The following CTNND2 variants were observed in gnomAD, a reference collection of about 807,000 sequenced individuals.
CTNND2 encodes the protein catenin delta 2.
A neutral mutation model predicts 144.4 loss-of-function variants in CTNND2; 22 were observed. The observed-to-expected ratio is 0.15, with a 90% CI of 0.11 to 0.22. CTNND2 has a LOEUF of 0.22. Ranked by LOEUF, CTNND2 falls within the 10% of genes least tolerant of loss-of-function variation. The probability of loss-of-function intolerance (pLI) is 1.00; values close to 1 mark genes in which losing one functional copy is unlikely to be tolerated. For synonymous variants in CTNND2, 751 were observed against 695.6 expected (o/e 1.08, Z -1.25); for missense variants, 1,353 against 1,618.8 (o/e 0.84, Z 2.82).
intron 9 of CTNND2, among the ~76,000 whole-genome samples, chr5:11,241,006 AAC>A (rs1263743019): frequency 5.3e-5 from 7 of 132,104 alleles, no homozygotes; most frequent in Non-Finnish European, 8.1e-5. Flanking sequence ...ACACACACCA[AAC>A]ACACACACCC....
At chr5:11,172,017 A>C (rs529989890) in intron 11 of CTNND2, among the ~76,000 whole-genome samples, 18 of 152,322 alleles carry the variant, frequency 1.2e-4, no homozygotes, top group African/African-American at 4.3e-4. Flanking sequence ...CTTACACTAG[A>C]ATAGTATTAG....
intron 2 of CTNND2, among the ~76,000 whole-genome samples, chr5:11,652,200 G>T (rs1159511487): frequency 1.3e-5 from 2 of 152,178 alleles, no homozygotes; most frequent in African/African-American, 4.8e-5. Context: ...GATAGTGAGT[G>T]AGTTATCACG....
chr5:11,054,387 G>A (rs142148972), intron 16 of CTNND2, among the ~76,000 whole-genome samples: 62 of 152,280 alleles, frequency 4.1e-4, no homozygotes, highest in African/African-American at 1.4e-3. Context: ...GCTAGAAAAT[G>A]TACAACAATG....
intron 16 of CTNND2, among the ~76,000 whole-genome samples, chr5:11,031,728 G>A (rs3940297): frequency 0.071 from 10,821 of 152,154 alleles, 503 homozygotes; most frequent in Non-Finnish European, 0.099. Context: ...AAAAGCAGGT[G>A]GAAAAAGGTG....
At chr5:11,690,421 A>T (rs1217179060) in intron 2 of CTNND2, among the ~76,000 whole-genome samples, 1 of 152,220 alleles carries the variant, frequency 6.6e-6, no homozygotes, top group Non-Finnish European at 1.5e-5. Context: ...TGAAAAGCAC[A>T]TCAGGTTCTG....
chr5:11,808,949 C>T (rs10078859), intron 1 of CTNND2, among the ~76,000 whole-genome samples: 150,388 of 152,296 alleles, frequency 0.99, 74,282 homozygotes, highest in Middle Eastern at 1. Flanking sequence ...ACAACTCCAG[C>T]TGGAATGGAA....
At chr5:11,304,196 T>C (rs1006634329) in intron 9 of CTNND2, among the ~76,000 whole-genome samples, 1 of 152,204 alleles carries the variant, frequency 6.6e-6, no homozygotes, top group African/African-American at 2.4e-5. Flanking sequence ...ACAAATGCTA[T>C]CTGACTTATT....
At chr5:11,323,121 C>A (rs1290883986) in intron 9 of CTNND2, among the ~76,000 whole-genome samples, 1 of 151,984 alleles carries the variant, frequency 6.6e-6, no homozygotes, top group Non-Finnish European at 1.5e-5. Flanking sequence ...TCACTGCAGC[C>A]TTGAACTCCT....
At chr5:11,011,290 T>C (rs926605589) in intron 18 of CTNND2, among the ~76,000 whole-genome samples, 1 of 152,214 alleles carries the variant, frequency 6.6e-6, no homozygotes, top group African/African-American at 2.4e-5. Flanking sequence ...CTCTGCTCAA[T>C]GCAGCCTCCA....
chr5:11,543,345 C>G (rs1195336101), intron 3 of CTNND2, among the ~76,000 whole-genome samples: 1 of 152,172 alleles, frequency 6.6e-6, no homozygotes, highest in African/African-American at 2.4e-5. Context: ...AAGGGAGACC[C>G]TGCAAGGCTT....
intron 1 of CTNND2, among the ~76,000 whole-genome samples, chr5:11,769,104 T>G (rs1789769194): frequency 6.6e-6 from 1 of 152,132 alleles, no homozygotes; most frequent in Non-Finnish European, 1.5e-5. Flanking sequence ...AATGGAGAAT[T>G]CTAGGCATCA....
intron 2 of CTNND2, among the ~76,000 whole-genome samples, chr5:11,714,529 A>C (rs13182321): frequency 0.11 from 16,750 of 152,102 alleles, 1,192 homozygotes; most frequent in African/African-American, 0.19. Flanking sequence ...ATAGTCTGTG[A>C]CCCAGAATAG....
intron 16 of CTNND2, among the ~76,000 whole-genome samples, chr5:11,031,331 T>C (rs1160375731): frequency 2.0e-5 from 3 of 152,056 alleles, no homozygotes; most frequent in African/African-American, 7.2e-5. Flanking sequence ...GTGTCAACCC[T>C]GGTTTCTGCC....
intron 3 of CTNND2, among the ~76,000 whole-genome samples, chr5:11,492,201 A>G (rs1297015372): frequency 1.3e-5 from 2 of 151,912 alleles, no homozygotes; most frequent in African/African-American, 4.9e-5. Context: ...CACATGGGGC[A>G]GGTAAACGGC....
intron 1 of CTNND2, among the ~76,000 whole-genome samples, chr5:11,804,706 G>A (rs529611457): frequency 6.6e-6 from 1 of 152,138 alleles, no homozygotes; most frequent in Non-Finnish European, 1.5e-5. Context: ...GGTTTGGAAG[G>A]AGGAGAAAAG....
chr5:11,098,873 CACGG>C, intron 14 of CTNND2, 125 bp from the exon 15 acceptor site: 3 of 809,698 alleles, frequency 3.7e-6, no homozygotes, highest in Non-Finnish European at 1.9e-6. Flanking sequence ...ACATAGACTG[CACGG>C]AGGCTATTGC....
intron 2 of CTNND2, among the ~76,000 whole-genome samples, chr5:11,588,433 G>A (rs1176335988): frequency 6.6e-6 from 1 of 151,908 alleles, no homozygotes; most frequent in Non-Finnish European, 1.5e-5. Context: ...ATATATCTAT[G>A]ACACACCAAG....
chr5:11,356,612 A>C (rs988139411), intron 8 of CTNND2, among the ~76,000 whole-genome samples: 2 of 152,116 alleles, frequency 1.3e-5, no homozygotes, highest in African/African-American at 4.8e-5. Flanking sequence ...AAACATAGGT[A>C]AAATGCTTCA....
At chr5:11,755,397 A>G (rs1788873666) in intron 1 of CTNND2, among the ~76,000 whole-genome samples, 2 of 151,550 alleles carry the variant, frequency 1.3e-5, no homozygotes, top group South Asian at 4.1e-4. Context: ...CTTCAATCCT[A>G]GAGAATCTGA....
Sources: gnomAD v4.1 joint callset for allele counts (sites outside exome capture counted in the v4.1 genomes callset) on GRCh38, gnomAD v4.1.1 for gene constraint, MANE v1.5 for transcripts, NCBI Gene and HGNC (gene_info 2026-07-23, HGNC 2026-07-21) for gene names.